Variants in LHFPL6 observed in about 807,000 individuals in gnomAD.
LHFPL6 encodes LHFPL tetraspan subfamily member 6, also known as LHFPL tetraspan subfamily member 6 protein.
Under a neutral mutation model 20.6 loss-of-function variants are expected in LHFPL6, and 9 were observed. The ratio of observed to expected loss-of-function variants is 0.44; its 90% CI spans 0.26 to 0.76. The LOEUF (loss-of-function observed/expected upper bound fraction) is 0.76, where lower values mean the gene tolerates loss of function less well. LHFPL6 is among the 30% of genes least tolerant of loss of function. The pLI, the probability that LHFPL6 is intolerant of heterozygous loss-of-function variation, is 0.20. For missense variants in LHFPL6, 218 were observed against 253.5 expected, an observed-to-expected ratio of 0.86 and a Z score of 0.95; for synonymous variants, 105 against 98.7, an observed-to-expected ratio of 1.06 and a Z score of -0.38.
At chr13:39,504,441 T>C (rs1182282285) in intron 2 of LHFPL6, among the ~76,000 whole-genome samples, 1 of 152,218 alleles carries the variant, frequency 6.6e-6, no homozygotes, top group Admixed American at 6.5e-5. Flanking sequence ...ATATGAAGTA[T>C]CACACACTGG....
intron 2 of LHFPL6, among the ~76,000 whole-genome samples, chr13:39,435,786 C>A (rs1324668756): frequency 6.6e-6 from 1 of 152,090 alleles, no homozygotes; most frequent in Non-Finnish European, 1.5e-5. Flanking sequence ...TAAAATACCA[C>A]TTTAATAACT....
Position 39,425,865 on chromosome 13 carries a change from C to T in LHFPL6, c.386-47339G>A, listed in dbSNP as rs111608227. Among the ~76,000 whole-genome samples the T allele has an allele frequency of 1.0e-2, 1,516 of 152,256 alleles. 21 individuals carry two copies. Among genetic ancestry groups the T allele is most frequent in the South Asian group, 0.044 (211 of 4,822 alleles). On this transcript the variant is annotated intron_variant, in intron 2 of 3. Coordinates refer to ENST00000379589, the MANE Select transcript of LHFPL6 (RefSeq NM_005780.3). Reference sequence around the variant, plus strand: ...AAATATGAGACATGGTTTCACTATGCTGCCCAGGCTGGTCTCAAACTCCTG... The same window carrying T: ...AAATATGAGACATGGTTTCACTATGTTGCCCAGGCTGGTCTCAAACTCCTG...
At chr13:39,602,652 A>G (rs1332801462) in intron 1 of LHFPL6, among the ~76,000 whole-genome samples, 1 of 152,200 alleles carries the variant, frequency 6.6e-6, no homozygotes, top group Non-Finnish European at 1.5e-5. Context: ...AGGGGGCAAG[A>G]GGCATTTTCC....
chr13:39,444,709 C>T (rs1872239286), intron 2 of LHFPL6, among the ~76,000 whole-genome samples: 1 of 152,174 alleles, frequency 6.6e-6, no homozygotes, highest in African/African-American at 2.4e-5. Context: ...ACACAGAATG[C>T]AAGAGTTGTG....
At chr13:39,509,012 G>A (rs917670862) in intron 2 of LHFPL6, among the ~76,000 whole-genome samples, 5 of 151,974 alleles carry the variant, frequency 3.3e-5, no homozygotes, top group African/African-American at 1.2e-4. Flanking sequence ...TGCTTCGTAT[G>A]GTTAGTCTTT....
At chr13:39,419,478 A>G (rs1328299734) in intron 2 of LHFPL6, among the ~76,000 whole-genome samples, 1 of 152,256 alleles carries the variant, frequency 6.6e-6, no homozygotes, top group Non-Finnish European at 1.5e-5. Context: ...AGGAAACAAA[A>G]AGTGAAAAGC....
intron 2 of LHFPL6, among the ~76,000 whole-genome samples, chr13:39,595,276 C>CTACAGTG (rs1872736887): frequency 6.6e-6 from 1 of 152,136 alleles, no homozygotes; most frequent in Admixed American, 6.5e-5. Context: ...TGCTCACTGT[C>CTACAGTG]AGCCGCCTGT....
chr13:39,407,562 G>A (rs527573510), intron 2 of LHFPL6, among the ~76,000 whole-genome samples: 23 of 152,254 alleles, frequency 1.5e-4, no homozygotes, highest in African/African-American at 5.1e-4. Context: ...CTTGCTATTT[G>A]CTAAGGAAAA....
intron 2 of LHFPL6, among the ~76,000 whole-genome samples, chr13:39,381,513 G>C (rs11616695): frequency 6.6e-6 from 1 of 151,550 alleles, no homozygotes; most frequent in African/African-American, 2.4e-5. Flanking sequence ...CTCCAACAAC[G>C]CATGCTTATC....
At chr13:39,556,120 T>C (rs762733989) in intron 2 of LHFPL6, among the ~76,000 whole-genome samples, 22 of 152,196 alleles carry the variant, frequency 1.4e-4, no homozygotes, top group Non-Finnish European at 2.6e-4. Flanking sequence ...CCATGTTTCC[T>C]GTACAGCCAG....
intron 2 of LHFPL6, among the ~76,000 whole-genome samples, chr13:39,586,338 T>G (rs1230634541): frequency 6.6e-6 from 1 of 152,192 alleles, no homozygotes; most frequent in Non-Finnish European, 1.5e-5. Flanking sequence ...TAGTAACACA[T>G]GCTTACATGC....
chr13:39,481,719 A>G (rs1424343148), intron 2 of LHFPL6, among the ~76,000 whole-genome samples: 1 of 152,214 alleles, frequency 6.6e-6, no homozygotes, highest in Non-Finnish European at 1.5e-5. Context: ...AGGCATCCGC[A>G]GGAACTGGCA....
At chr13:39,570,768 AGTGC>A (rs1871888442) in intron 2 of LHFPL6, among the ~76,000 whole-genome samples, 1 of 152,132 alleles carries the variant, frequency 6.6e-6, no homozygotes, top group East Asian at 1.9e-4. Flanking sequence ...TGTGCATGTG[AGTGC>A]GTGTGAGTGA....
At chr13:39,448,531 A>G (rs1324059263) in intron 2 of LHFPL6, among the ~76,000 whole-genome samples, 1 of 152,188 alleles carries the variant, frequency 6.6e-6, no homozygotes, top group Non-Finnish European at 1.5e-5. Flanking sequence ...TTGTATCTCT[A>G]CTTTCATTTT....
chr13:39,354,282 G>A (rs1869670725), intron 3 of LHFPL6, among the ~76,000 whole-genome samples: 1 of 152,158 alleles, frequency 6.6e-6, no homozygotes, highest in East Asian at 1.9e-4. Flanking sequence ...CCTGCACAGA[G>A]TCTTGGGCCT....
chr13:39,425,596 T>C (rs1346087057), intron 2 of LHFPL6, among the ~76,000 whole-genome samples: 1 of 152,198 alleles, frequency 6.6e-6, no homozygotes, highest in East Asian at 1.9e-4. Context: ...GGTAGTGTAT[T>C]GTGGTTTTTG....
intron 2 of LHFPL6, among the ~76,000 whole-genome samples, chr13:39,385,681 T>C (rs1870546336): frequency 6.6e-6 from 1 of 152,348 alleles, no homozygotes; most frequent in South Asian, 2.1e-4. Context: ...GGCTGGGAAT[T>C]TTCCCTTCTG....
intron 3 of LHFPL6, among the ~76,000 whole-genome samples, chr13:39,360,515 C>A (rs1869848443): frequency 1.0e-5 from 1 of 97,324 alleles, no homozygotes; most frequent in African/African-American, 3.0e-5. Context: ...TGTGTATTGG[C>A]AAAGAGCTCA....
intron 2 of LHFPL6, among the ~76,000 whole-genome samples, chr13:39,543,782 G>A (rs190382913): frequency 9.1e-4 from 139 of 152,236 alleles, no homozygotes; most frequent in African/African-American, 3.1e-3. Context: ...AGGAATCTAC[G>A]ACTGTAGCCT....
Sources: allele counts gnomAD v4.1 joint callset (sites outside exome capture counted in the v4.1 genomes callset), GRCh38; gene constraint gnomAD v4.1.1; transcripts MANE v1.5; gene names NCBI Gene and HGNC (gene_info 2026-07-23, HGNC 2026-07-21).